Variants in TAS2R1 observed in about 807,000 individuals in gnomAD.
TAS2R1 encodes the protein taste 2 receptor member 1, also known as taste receptor type 2 member 1.
For missense variants in TAS2R1, 370 were observed against 353.4 expected (o/e 1.05, Z -0.38); for synonymous variants, 141 against 134.2 (o/e 1.05, Z -0.35).
chr5:9,885,934 C>A, the TAS2R1 span, among the ~76,000 whole-genome samples: 1 of 151,872 alleles, frequency 6.6e-6, no homozygotes, highest in Non-Finnish European at 1.5e-5. Flanking sequence ...ATTATTAGCA[C>A]CATCAAAGAA....
the TAS2R1 span, among the ~76,000 whole-genome samples, chr5:9,717,515 C>T: frequency 1.3e-5 from 2 of 152,028 alleles, no homozygotes; most frequent in African/African-American, 2.4e-5. Context: ...GAAAACAACA[C>T]ACAAGAATAT....
At chr5:9,706,814 G>A (rs1741624225) in intron 1 of TAS2R1, among the ~76,000 whole-genome samples, 1 of 152,184 alleles carries the variant, frequency 6.6e-6, no homozygotes, top group Non-Finnish European at 1.5e-5. Flanking sequence ...CTGCAGGCAT[G>A]GCAAGGCCTG....
intron 1 of TAS2R1, among the ~76,000 whole-genome samples, chr5:9,705,422 A>G (rs1376936906): frequency 6.6e-6 from 1 of 152,244 alleles, no homozygotes; most frequent in Non-Finnish European, 1.5e-5. Flanking sequence ...GCTTCAGATA[A>G]GTAAACTAAA....
chr5:9,849,328 C>T, the TAS2R1 span, among the ~76,000 whole-genome samples: 1 of 152,248 alleles, frequency 6.6e-6, no homozygotes, highest in Non-Finnish European at 1.5e-5. Flanking sequence ...CACAACAACA[C>T]ATGTTCACAC....
chr5:9,892,261 G>A, the TAS2R1 span, among the ~76,000 whole-genome samples: 3,706 of 152,262 alleles, frequency 0.024, 154 homozygotes, highest in African/African-American at 0.085. Context: ...ATCTGAGTAC[G>A]CTGGGCTCAG....
At chr5:9,734,686 A>G in the TAS2R1 span, among the ~76,000 whole-genome samples, 2 of 152,156 alleles carry the variant, frequency 1.3e-5, no homozygotes, top group East Asian at 3.9e-4. Context: ...GTAATCCTAG[A>G]TGGTGCCTAC....
intron 2 of TAS2R1, among the ~76,000 whole-genome samples, chr5:9,648,129 G>T (rs1740231192): frequency 6.6e-6 from 1 of 152,062 alleles, no homozygotes; most frequent in Non-Finnish European, 1.5e-5. Flanking sequence ...AGTAAGTGTG[G>T]CCATGGCTAC....
the TAS2R1 span, among the ~76,000 whole-genome samples, chr5:9,862,545 A>C: frequency 6.6e-6 from 1 of 152,174 alleles, no homozygotes; most frequent in Non-Finnish European, 1.5e-5. Context: ...AAGTTAGAAC[A>C]GGAAGGGATT....
rs150643783 is a variant in TAS2R1 at position 9,629,810 on chromosome 5, A to C, written c.223T>G (p.Phe75Val). Reference protein sequence around the residue: ...VNVIVIFFIEFIMCSANCAIL... With the variant: ...VNVIVIFFIEVIMCSANCAIL... ...GCACAATTCGCAGAACACATGATGA[A>C]TTCTATGAAGAAGATAACAATCACA... Residue 75 changes from phenylalanine (F) to valine (V), a missense_variant, in exon 1 of 1, where the codon TTC (phenylalanine) becomes GTC (valine). By Grantham distance (50) the Phe-to-Val change is conservative. Coordinates refer to ENST00000382492, the MANE Select transcript of TAS2R1 (RefSeq NM_019599.3). 2.4e-5 allele frequency: 39 copies of C among 1,613,828 alleles called. No homozygotes were observed. The highest frequency in any genetic ancestry group is 3.1e-5 in the Non-Finnish European group (37 of 1,179,906).
chr5:9,820,304 G>C, the TAS2R1 span, among the ~76,000 whole-genome samples: 2 of 152,092 alleles, frequency 1.3e-5, no homozygotes, highest in African/African-American at 4.8e-5. Flanking sequence ...TGTAGGACAA[G>C]AAGAAACCCC....
intron 1 of TAS2R1, among the ~76,000 whole-genome samples, chr5:9,668,585 G>T (rs1461842899): frequency 1.3e-5 from 2 of 152,178 alleles, no homozygotes; most frequent in Non-Finnish European, 2.9e-5. Context: ...TTACAAGCCA[G>T]AAGAGATTAG....
At chr5:9,664,432 A>C (rs1242017769) in intron 1 of TAS2R1, among the ~76,000 whole-genome samples, 1 of 152,204 alleles carries the variant, frequency 6.6e-6, no homozygotes, top group African/African-American at 2.4e-5. Context: ...AAAATGAGCC[A>C]TGCACAGTCC....
At chr5:9,663,095 T>C (rs1740569349) in intron 1 of TAS2R1, among the ~76,000 whole-genome samples, 1 of 151,656 alleles carries the variant, frequency 6.6e-6, no homozygotes, top group Non-Finnish European at 1.5e-5. Context: ...TATATTTGCA[T>C]GCTATTCTAT....
At chr5:9,751,321 C>G in the TAS2R1 span, among the ~76,000 whole-genome samples, 1 of 150,902 alleles carries the variant, frequency 6.6e-6, no homozygotes, top group African/African-American at 2.4e-5. Flanking sequence ...TGGATGATGT[C>G]ACACACTGCT....
At chr5:9,792,416 T>C in the TAS2R1 span, among the ~76,000 whole-genome samples, 5 of 152,228 alleles carry the variant, frequency 3.3e-5, no homozygotes, top group Non-Finnish European at 5.9e-5. Flanking sequence ...ACATGATTAC[T>C]GGGAGAAGTA....
the TAS2R1 span, among the ~76,000 whole-genome samples, chr5:9,848,191 A>G: frequency 6.6e-6 from 1 of 152,226 alleles, no homozygotes; most frequent in Non-Finnish European, 1.5e-5. Context: ...CCGCAGGTTT[A>G]CAATAAATGC....
At chr5:9,647,286 G>T (rs1354264840) in intron 2 of TAS2R1, among the ~76,000 whole-genome samples, 1 of 152,120 alleles carries the variant, frequency 6.6e-6, no homozygotes, top group Admixed American at 6.5e-5. Flanking sequence ...CAGATGTCTT[G>T]CATTCTAGAA....
At chr5:9,718,876 A>T in the TAS2R1 span, among the ~76,000 whole-genome samples, 7 of 143,736 alleles carry the variant, frequency 4.9e-5, no homozygotes, top group East Asian at 1.2e-3. Flanking sequence ...CTACTGTATT[A>T]AAAAAAAAAA....
Position 9,667,423 on chromosome 5 carries a change from T to A in TAS2R1, c.-241-7842A>T, listed in dbSNP as rs114926692. Among the ~76,000 whole-genome samples, 1,081 of 152,314 alleles carry A rather than the reference T, an allele frequency of 7.1e-3. 10 individuals carry two copies. Among genetic ancestry groups the A allele is most frequent in the African/African-American group, 0.024 (1,011 of 41,560 alleles). ...GCAGGACGGGCAACTCTATCCACCTTACTTCTTGTAGCCAGATGGGCCACA... is the reference window on the plus strand; with the variant it reads ...GCAGGACGGGCAACTCTATCCACCTAACTTCTTGTAGCCAGATGGGCCACA... On this transcript the variant is annotated intron_variant, in intron 1 of 2. Coordinates refer to the TAS2R1 transcript ENST00000506620.
Sources: gnomAD v4.1 joint callset for allele counts (sites outside exome capture counted in the v4.1 genomes callset) on GRCh38, gnomAD v4.1.1 for gene constraint, MANE v1.5 for transcripts, NCBI Gene and HGNC (gene_info 2026-07-23, HGNC 2026-07-21) for gene names.